The following PHACTR2 variants were observed in gnomAD, a reference collection of about 807,000 sequenced individuals.
PHACTR2 encodes the protein chromosome 6 open reading frame 56.
In PHACTR2, 30 loss-of-function variants were observed where a neutral mutation model predicts 76.0. The observed-to-expected ratio is 0.39, with a 90% CI of 0.30 to 0.54. The LOEUF is 0.54. Ranked by LOEUF, PHACTR2 falls within the 20% of genes least tolerant of loss-of-function variation. The pLI, the probability that PHACTR2 is intolerant of heterozygous loss-of-function variation, is 0.61. For synonymous variants in PHACTR2, 292 were observed against 292.5 expected (o/e 1.00, Z 0.02); for missense variants, 696 against 781.1 (o/e 0.89, Z 1.30).
upstream of PHACTR2, among the ~76,000 whole-genome samples, chr6:143,607,852 C>T (rs551955459): frequency 2.0e-5 from 3 of 152,198 alleles, no homozygotes; most frequent in African/African-American, 7.2e-5. Flanking sequence ...TTTAGACAAA[C>T]CCCAAGGAAA....
At chr6:143,705,531 C>T (rs114716723) in intron 1 of PHACTR2, among the ~76,000 whole-genome samples, 4,504 of 151,802 alleles carry the variant, frequency 0.03, 213 homozygotes, top group African/African-American at 0.1. Flanking sequence ...CCTGACCTCG[C>T]GTGATCTGCC....
At position 143,691,857 on chromosome 6, in the gene PHACTR2, G is replaced by A. The variant is rs190325502; in HGVS notation, c.46+13648G>A. The stretch of plus-strand genomic sequence containing the variant: ...CCTTTTCCCTTTTAGAACTGTAGGC[G>A]GCAAATTCTGAAAATTCCAAAAGGA... On this transcript the variant is annotated intron_variant, in intron 1 of 12. Transcript: ENST00000440869. Among the ~76,000 whole-genome samples, 206 of 152,244 alleles carry A rather than the reference G, an allele frequency of 1.4e-3. 1 individual carries two copies. Among genetic ancestry groups the A allele is most frequent in the African/African-American group, 4.7e-3 (196 of 41,550 alleles).
chr6:143,812,817 T>G (rs1210841745), intron 12 of PHACTR2, among the ~76,000 whole-genome samples: 1 of 152,204 alleles, frequency 6.6e-6, no homozygotes, highest in East Asian at 1.9e-4. Flanking sequence ...ATAGTATCAT[T>G]GCATTCTCGA....
intron 1 of PHACTR2, among the ~76,000 whole-genome samples, chr6:143,628,414 TG>T (rs1776296738): frequency 6.6e-6 from 1 of 152,210 alleles, no homozygotes; most frequent in African/African-American, 2.4e-5. Flanking sequence ...CTGGAGGCAC[TG>T]GGGGAGAATC....
In PHACTR2 at chr6:143,680,011, G is replaced by C. The variant is rs920505694; in HGVS notation, c.46+1802G>C. On this transcript the variant is annotated intron_variant, in intron 1 of 12. Transcript: ENST00000440869. The surrounding 1 kb of genome is among the most constrained non-coding windows in gnomAD (Gnocchi z 4.5). ...TAAATACAGGGTTTTTTATTTTTCA[G>C]TTAAGGAATGACAGTGGTTATGACT... 3.3e-5 allele frequency among the ~76,000 whole-genome samples: 5 copies of C among 151,948 alleles called. No homozygotes were observed. Among genetic ancestry groups the C allele is most frequent in the African/African-American group, 4.8e-5 (2 of 41,348 alleles).
intron 1 of PHACTR2, among the ~76,000 whole-genome samples, chr6:143,644,018 T>A (rs1776611942): frequency 6.6e-6 from 1 of 152,222 alleles, no homozygotes; most frequent in Admixed American, 6.5e-5. Flanking sequence ...AATATTTTTC[T>A]CGTTAAAAAA....
At position 143,760,357 on chromosome 6, in the gene PHACTR2, G is replaced by A. The variant is rs771150536; in HGVS notation, c.455-44G>A. The A allele has an allele frequency of 1.9e-6, 3 of 1,555,608 alleles. No individual in the cohort carries two copies. The highest frequency in any genetic ancestry group is 2.6e-6 in the Non-Finnish European group (3 of 1,146,214). Reference sequence around the variant, plus strand: ...GTCTTGCTCCTTGTGTTTATATGGTGTGTGTCTGTATCAGTCTGCTTCTGT... The same window carrying A: ...GTCTTGCTCCTTGTGTTTATATGGTATGTGTCTGTATCAGTCTGCTTCTGT... On this transcript the variant is annotated intron_variant, in intron 4 of 12. Coordinates refer to ENST00000440869, the MANE Select transcript of PHACTR2 (RefSeq NM_001100164.2). The surrounding 1 kb of genome is among the most constrained non-coding windows in gnomAD (Gnocchi z 6.4).
At chr6:143,724,221 C>T (rs1316140558) in intron 2 of PHACTR2, among the ~76,000 whole-genome samples, 4 of 152,008 alleles carry the variant, frequency 2.6e-5, no homozygotes, top group African/African-American at 4.8e-5. Context: ...CCGCAAGCTC[C>T]GCCTCCTTCA....
In PHACTR2 at chr6:143,807,178, T is replaced by C. The variant is rs11961301; in HGVS notation, c.1922+45T>C. On this transcript the variant is annotated intron_variant, in intron 12 of 12. Transcript: ENST00000440869. This position sits in a 1 kb window ranked among gnomAD's most constrained non-coding sequence, Gnocchi z 5.5. ...TTAGAAATTGAAAATGCTTAAGATG[T>C]GATCCCATGTTGAGTTGGTTAAAAA... The C allele has an allele frequency of 2.7e-6, 3 of 1,128,052 alleles. No individual in the cohort carries two copies. Among genetic ancestry groups the C allele is most frequent in the Non-Finnish European group, 2.7e-6 (2 of 752,814 alleles). The allele number at this position is 1,128,052 out of a possible 1,614,324, so 69.9% of individuals were successfully genotyped here. A position where few individuals can be genotyped will look rare whatever the true frequency, so the allele number is the denominator to read the frequency against.
rs1165564007 is a variant in PHACTR2 at position 143,621,857 on chromosome 6, C to CTGTGGGG, written c.13+13535_13+13536insTGTGGGG. Reference sequence around the variant, plus strand: ...CCAAGGTGATCACTTGGCCCCAGGTCCCCCTGCTCTGGCTCCCTGAGTTCC... The same window carrying CTGTGGGG: ...CCAAGGTGATCACTTGGCCCCAGGTCTGTGGGGCCCCTGCTCTGGCTCCCTGAGTTCC... On this transcript the variant is annotated intron_variant, in intron 1 of 11. Coordinates refer to the PHACTR2 transcript ENST00000305766. This position sits in a 1 kb window ranked among gnomAD's most constrained non-coding sequence, Gnocchi z 4.1. Among the ~76,000 whole-genome samples the CTGTGGGG allele has an allele frequency of 2.0e-5, 3 of 152,328 alleles. No individual in the cohort carries two copies. The East Asian group carries it at 5.8e-4, about 29-fold the overall frequency.
rs776447114 is a variant in PHACTR2, at chr6:143,711,822, T to C, written c.47-194T>C. On this transcript the variant is annotated intron_variant, in intron 1 of 12. Coordinates refer to ENST00000440869, the MANE Select transcript of PHACTR2 (RefSeq NM_001100164.2). Reference sequence around the variant, plus strand: ...TGTTTCCCCAGAATGATTTTCTAAGTGGGCTGTAATTTCTGATTGACTGAT... The same window carrying C: ...TGTTTCCCCAGAATGATTTTCTAAGCGGGCTGTAATTTCTGATTGACTGAT... 8.0e-6 allele frequency: 6 copies of C among 745,688 alleles called. No individual in the cohort carries two copies. The South Asian group carries it at 8.1e-5, about 10-fold the overall frequency. 46.2% of individuals were successfully genotyped at this position (745,688 alleles called of 1,614,324 possible). A position where few individuals can be genotyped will look rare whatever the true frequency, so the allele number is the denominator to read the frequency against.
intron 11 of PHACTR2, among the ~76,000 whole-genome samples, chr6:143,802,681 A>G (rs1303944264): frequency 1.3e-5 from 2 of 148,708 alleles, no homozygotes; most frequent in Admixed American, 6.7e-5. Context: ...CTAATTACAT[A>G]TATGTGAAGA....
chr6:143,595,921 C>T lies in PHACTR2; in HGVS notation c.217+58714C>T, dbSNP rs1186718726. Among the ~76,000 whole-genome samples the T allele has an allele frequency of 6.6e-6, 1 of 152,088 alleles. No homozygotes were observed. The highest frequency in any genetic ancestry group is 2.4e-5 in the African/African-American group (1 of 41,422). On this transcript the variant is annotated intron_variant, in intron 1 of 11. Coordinates refer to the PHACTR2 transcript ENST00000367584. The surrounding 1 kb of genome is among the most constrained non-coding windows in gnomAD (Gnocchi z 4.2). ...ACTGAGTTGGGTGGGTTATAGGTAG[C>T]GTCACTTAGGGAAAAGTTTGTTCCT...
At chr6:143,676,617 C>T (rs914292348), upstream of PHACTR2, among the ~76,000 whole-genome samples, 1 of 152,128 alleles carries the variant, frequency 6.6e-6, no homozygotes, top group Non-Finnish European at 1.5e-5. The surrounding 1 kb of genome is among the most constrained non-coding windows in gnomAD (Gnocchi z 4.8). Context: ...TGCTTACTCT[C>T]ATCGCTTAGC....
chr6:143,678,993 A>G lies in PHACTR2; in HGVS notation c.46+784A>G, dbSNP rs1268466143. On this transcript the variant is annotated intron_variant, in intron 1 of 12. Coordinates refer to ENST00000440869, the MANE Select transcript of PHACTR2 (RefSeq NM_001100164.2). This position sits in a 1 kb window ranked among gnomAD's most constrained non-coding sequence, Gnocchi z 6.2. The stretch of plus-strand genomic sequence containing the variant: ...GTTACTTGTGATTGGATAAGGAAAT[A>G]AATTTAAAAGGTACTATTTTGATAT... Among the ~76,000 whole-genome samples the G allele has an allele frequency of 6.6e-6, 1 of 152,160 alleles. No homozygotes were observed. The highest frequency in any genetic ancestry group is 1.5e-5 in the Non-Finnish European group (1 of 68,036).
chr6:143,710,588 T>C lies in PHACTR2; in HGVS notation c.47-1428T>C, dbSNP rs571808958. On this transcript the variant is annotated intron_variant, in intron 1 of 12. Transcript: ENST00000440869. This position sits in a 1 kb window ranked among gnomAD's most constrained non-coding sequence, Gnocchi z 4.9. ...TGTGCCTGTAGTCAGTCCCAGCTGC[T>C]TGGGAGGCTGAGGCAGGAGAATTGC... Among the ~76,000 whole-genome samples the C allele has an allele frequency of 2.8e-4, 42 of 152,222 alleles. No homozygotes were observed. Among genetic ancestry groups the C allele is most frequent in the African/African-American group, 1.0e-3 (42 of 41,546 alleles).
At chr6:143,797,352 C>T (rs758825788) in intron 11 of PHACTR2, among the ~76,000 whole-genome samples, 3 of 152,170 alleles carry the variant, frequency 2.0e-5, no homozygotes, top group Non-Finnish European at 4.4e-5. Flanking sequence ...TTCTCCCATT[C>T]TGTAGGTTGC....
In PHACTR2 at chr6:143,823,398, T is replaced by C. The variant is rs1776467536; in HGVS notation, c.1923-276T>C. On this transcript the variant is annotated intron_variant, in intron 12 of 12. Coordinates refer to ENST00000440869, the MANE Select transcript of PHACTR2 (RefSeq NM_001100164.2). This position sits in a 1 kb window ranked among gnomAD's most constrained non-coding sequence, Gnocchi z 5.7. ...AGAATAGTGATGTTTTCTGTCTTGG[T>C]TGCTGTGTAACTTGAATACTATAAC... 6.6e-6 allele frequency among the ~76,000 whole-genome samples: 1 copy of C among 152,224 alleles called. No individual in the cohort carries two copies. The highest frequency in any genetic ancestry group is 2.1e-4 in the South Asian group (1 of 4,836).
At chr6:143,747,235 T>C (rs1177562554) in intron 2 of PHACTR2, among the ~76,000 whole-genome samples, 1 of 152,174 alleles carries the variant, frequency 6.6e-6, no homozygotes, top group East Asian at 1.9e-4. Context: ...CTGATCTTTC[T>C]AGCAACCAGG....
Sources: allele counts gnomAD v4.1 joint callset (sites outside exome capture counted in the v4.1 genomes callset), GRCh38; gene constraint gnomAD v4.1.1; non-coding constraint Gnocchi (gnomAD v3.1); transcripts MANE v1.5; gene names NCBI Gene and HGNC (gene_info 2026-07-23, HGNC 2026-07-21).